Variants in SLC35F4 observed in about 807,000 individuals in gnomAD.
SLC35F4 encodes solute carrier family 35 member F4, also known as chromosome 14 open reading frame 36.
A neutral mutation model predicts 44.2 loss-of-function variants in SLC35F4; 24 were observed. That is an observed-to-expected ratio of 0.54 (90% CI 0.39 to 0.76). The LOEUF is 0.76. Among genes scored for constraint, SLC35F4 ranks in the 30% least tolerant of loss-of-function variants. SLC35F4 has a pLI of 0.00. For synonymous variants in SLC35F4, 238 were observed against 223.6 expected (o/e 1.06, Z -0.57); for missense variants, 562 against 586.1 (o/e 0.96, Z 0.42).
In SLC35F4 at chr14:57,887,893, A is replaced by G. The variant is rs373490756; in HGVS notation, n.282+94020T>C. Among the ~76,000 whole-genome samples, 6 of 152,300 alleles carry G rather than the reference A, an allele frequency of 3.9e-5. No homozygotes were observed. In the East Asian group the frequency reaches 1.2e-3, roughly 29 times the overall value. Reference sequence around the variant, plus strand: ...GCAACACACACACACATGCACATGCACACGCACATGCACACCATTCTGCTC... The same window carrying G: ...GCAACACACACACACATGCACATGCGCACGCACATGCACACCATTCTGCTC... On this transcript the variant is annotated intron_variant and non_coding_transcript_variant, in intron 1 of 1. Coordinates refer to the SLC35F4 transcript ENST00000556568.
chr14:57,874,134 T>C (rs1472190088), intron 1 of SLC35F4, among the ~76,000 whole-genome samples: 5 of 152,198 alleles, frequency 3.3e-5, no homozygotes, highest in Admixed American at 6.5e-5. Flanking sequence ...TCCCTACAAA[T>C]GCATCTTCAT....
chr14:57,878,211 C>T (rs1021102573), intron 1 of SLC35F4, among the ~76,000 whole-genome samples: 2 of 152,012 alleles, frequency 1.3e-5, no homozygotes, highest in African/African-American at 4.8e-5. Context: ...TGATATTAGA[C>T]CTTTGTTGGA....
intron 1 of SLC35F4, among the ~76,000 whole-genome samples, chr14:57,697,072 A>G (rs532650637): frequency 5.3e-5 from 8 of 152,288 alleles, no homozygotes. Flanking sequence ...TGTATCCCAG[A>G]ACTTTAAGTA....
At chr14:57,624,904 A>G (rs1462376628) in intron 1 of SLC35F4, among the ~76,000 whole-genome samples, 2 of 152,180 alleles carry the variant, frequency 1.3e-5, no homozygotes, top group Admixed American at 6.6e-5. Flanking sequence ...CAAGACAAGG[A>G]TGCCCTCTCT....
chr14:57,779,163 C>G (rs1436700239), intron 1 of SLC35F4, among the ~76,000 whole-genome samples: 5 of 151,902 alleles, frequency 3.3e-5, no homozygotes, highest in Non-Finnish European at 7.4e-5. Flanking sequence ...GAGATTGGGA[C>G]ACAAAAACCA....
chr14:57,701,404 A>G (rs1269560310), intron 1 of SLC35F4, among the ~76,000 whole-genome samples: 1 of 152,198 alleles, frequency 6.6e-6, no homozygotes, highest in African/African-American at 2.4e-5. Context: ...AAAGTAGTAC[A>G]CTCTAAAACA....
At chr14:57,599,644 C>A (rs1475303757) in intron 1 of SLC35F4, among the ~76,000 whole-genome samples, 1 of 151,876 alleles carries the variant, frequency 6.6e-6, no homozygotes, top group African/African-American at 2.4e-5. Flanking sequence ...TAGTTCAAGA[C>A]CAGCCTGACC....
At chr14:57,659,338 C>T (rs1663505925) in intron 1 of SLC35F4, among the ~76,000 whole-genome samples, 1 of 152,130 alleles carries the variant, frequency 6.6e-6, no homozygotes, top group Admixed American at 6.6e-5. Context: ...AAAAAGAACA[C>T]ATGCAGATAG....
chr14:57,590,329 G>T (rs1480327288), intron 2 of SLC35F4, among the ~76,000 whole-genome samples: 1 of 151,960 alleles, frequency 6.6e-6, no homozygotes, highest in Non-Finnish European at 1.5e-5. Context: ...GGAGTTTGAG[G>T]CTGCAGTGAG....
intron 1 of SLC35F4, among the ~76,000 whole-genome samples, chr14:57,887,254 A>C (rs1888669685): frequency 6.6e-6 from 1 of 152,168 alleles, no homozygotes; most frequent in Non-Finnish European, 1.5e-5. Flanking sequence ...CAAGTAGAAC[A>C]ACCATCCCTT....
chr14:57,594,134 CAG>C lies in SLC35F4; in HGVS notation c.104-12_104-11del, dbSNP rs200821096. On this transcript the variant is annotated splice_polypyrimidine_tract_variant and intron_variant, in intron 1 of 7. Coordinates refer to ENST00000556826, the MANE Select transcript of SLC35F4 (RefSeq NM_001306087.2). ...GATGATCTGGAGGTACCTGGAAAGA[CAG>C]AGTTCACGCCAGTTTGAGAACTGCC... is the stretch of plus-strand genomic sequence containing the variant. 0.027 allele frequency: 43,490 copies of C among 1,612,266 alleles called. 762 individuals are homozygous for C. Among genetic ancestry groups the C allele is most frequent in the Middle Eastern group, 0.053 (319 of 6,036 alleles).
intron 1 of SLC35F4, among the ~76,000 whole-genome samples, chr14:57,715,855 A>G (rs1054865290): frequency 3.3e-5 from 5 of 152,212 alleles, no homozygotes; most frequent in African/African-American, 1.2e-4. Flanking sequence ...GGTATATGCC[A>G]AGATGTAATA....
chr14:57,911,615 C>T (rs1250795126), intron 1 of SLC35F4, among the ~76,000 whole-genome samples: 1 of 151,986 alleles, frequency 6.6e-6, no homozygotes, highest in African/African-American at 2.4e-5. Flanking sequence ...TTGGACCATC[C>T]TTGCAAACCT....
intron 1 of SLC35F4, among the ~76,000 whole-genome samples, chr14:57,697,249 A>G (rs1050481428): frequency 6.6e-6 from 1 of 152,132 alleles, no homozygotes; most frequent in Non-Finnish European, 1.5e-5. Context: ...AGTGTGCTAT[A>G]TAATTCTAAA....
chr14:57,741,326 A>G (rs900177911), intron 1 of SLC35F4, among the ~76,000 whole-genome samples: 2 of 152,206 alleles, frequency 1.3e-5, no homozygotes, highest in African/African-American at 4.8e-5. Context: ...ATTGCAAAAT[A>G]AGCTAAAAAC....
At chr14:57,946,943 C>A (rs184811085) in intron 1 of SLC35F4, among the ~76,000 whole-genome samples, 3 of 152,038 alleles carry the variant, frequency 2.0e-5, no homozygotes, top group Admixed American at 6.6e-5. Flanking sequence ...TTTTGCTTAG[C>A]CTTGCTTTGG....
chr14:57,876,607 C>G (rs752234271), intron 1 of SLC35F4, among the ~76,000 whole-genome samples: 1 of 152,110 alleles, frequency 6.6e-6, no homozygotes, highest in Non-Finnish European at 1.5e-5. Context: ...AAAAACATCA[C>G]TGTCGAGCTT....
intron 1 of SLC35F4, among the ~76,000 whole-genome samples, chr14:57,889,246 C>A (rs762769163): frequency 1.3e-5 from 2 of 152,214 alleles, no homozygotes; most frequent in Non-Finnish European, 2.9e-5. Context: ...CTAACACTGC[C>A]ATGCGGTGCA....
At chr14:57,964,963 C>T (rs1432533477) in intron 1 of SLC35F4, among the ~76,000 whole-genome samples, 3 of 130,544 alleles carry the variant, frequency 2.3e-5, no homozygotes, top group African/African-American at 9.6e-5. Context: ...ATGATTAATG[C>T]TCCCATGGGG....
Sources: gnomAD v4.1 joint callset for allele counts (sites outside exome capture counted in the v4.1 genomes callset) on GRCh38, gnomAD v4.1.1 for gene constraint, MANE v1.5 for transcripts, NCBI Gene and HGNC (gene_info 2026-07-23, HGNC 2026-07-21) for gene names.